Variants in RGPD8 observed in about 807,000 individuals in gnomAD.
The protein encoded by RGPD8 is RANBP2 like and GRIP domain containing 8.
In RGPD8, 15 loss-of-function variants were observed where a neutral mutation model predicts 89.1. That is an observed-to-expected ratio of 0.17 (90% CI 0.11 to 0.26). The LOEUF (loss-of-function observed/expected upper bound fraction) is 0.26, where lower values mean the gene tolerates loss of function less well. Among genes scored for constraint, RGPD8 ranks in the 10% least tolerant of loss-of-function variants. The pLI is 1.00. For synonymous variants in RGPD8, 62 were observed against 420.9 expected, an observed-to-expected ratio of 0.15 and a Z score of 10.44; for missense variants, 178 against 1,179.6, an observed-to-expected ratio of 0.15 and a Z score of 12.44.
chr2:112,416,004 C>A (rs1368304957), intron 6 of RGPD8, among the ~76,000 whole-genome samples: 1 of 151,910 alleles, frequency 6.6e-6, no homozygotes, highest in Non-Finnish European at 1.5e-5. Context: ...GCAGGAGAAT[C>A]GCCTGAACCC....
intron 7 of RGPD8, among the ~76,000 whole-genome samples, chr2:112,411,630 G>A (rs1418546691): frequency 4.4e-5 from 2 of 45,328 alleles, no homozygotes; most frequent in Admixed American, 2.7e-4. Flanking sequence ...AGTGCCTCGC[G>A]CCTGTAATCC....
intron 7 of RGPD8, among the ~76,000 whole-genome samples, chr2:112,410,731 T>G (rs569391059): frequency 2.0e-5 from 3 of 150,694 alleles, no homozygotes; most frequent in Admixed American, 2.0e-4. Context: ...TGAGCTGAGA[T>G]TGCACCACTG....
intron 22 of RGPD8, among the ~76,000 whole-genome samples, chr2:112,373,450 A>G (rs796363627): frequency 1.4e-3 from 220 of 152,038 alleles, no homozygotes; most frequent in South Asian, 6.5e-3. Flanking sequence ...CCCCTAAGCT[A>G]ATGTTTCCCA....
intron 1 of RGPD8, chr2:112,432,719 G>C: frequency 1.0e-6 from 1 of 985,282 alleles, no homozygotes; most frequent in South Asian, 4.7e-5. Context: ...GTACTACGGG[G>C]CCAGAAAGCC....
chr2:112,420,238 G>A (rs1185718222), intron 4 of RGPD8, among the ~76,000 whole-genome samples: 1 of 59,826 alleles, frequency 1.7e-5, no homozygotes, highest in Non-Finnish European at 3.2e-5. Flanking sequence ...CTACTCAGAA[G>A]TAAAGGAACC....
At chr2:112,433,313 GC>G (rs1558994964) in intron 1 of RGPD8, 68 bp downstream of exon 1, 1 of 1,401,612 alleles carries the variant, frequency 7.1e-7, no homozygotes, top group East Asian at 3.4e-5. Flanking sequence ...CGAGGCCGCC[GC>G]CGGGCCGGGT....
rs1329076025 is a variant in RGPD8, at chr2:112,413,666, T to A, written c.783-1040A>T. Among the ~76,000 whole-genome samples the A allele has an allele frequency of 2.9e-5, 4 of 137,260 alleles. 2 individuals are homozygous for A. The highest frequency in any genetic ancestry group is 6.2e-5 in the Non-Finnish European group (4 of 64,216). The allele number at this position is 137,260 out of a possible 152,430, so 90.0% of individuals were successfully genotyped here. A position where few individuals can be genotyped will look rare whatever the true frequency, so the allele number is the denominator to read the frequency against. On this transcript the variant is annotated intron_variant, in intron 6 of 22. Transcript: ENST00000302558. ...TACAATACCAAAAAAAATTTATATA[T>A]TACATACTCATTTTCTCATGTATGT...
chr2:112,417,157 A>G (rs201480213), intron 6 of RGPD8, 36 bp downstream of exon 6: 127 of 1,607,992 alleles, frequency 7.9e-5, no homozygotes, highest in Non-Finnish European at 1.0e-4. Context: ...AAAAACTGCA[A>G]TTTATACTAA....
chr2:112,414,253 A>G (rs2104813547), intron 6 of RGPD8, among the ~76,000 whole-genome samples: 1 of 130,480 alleles, frequency 7.7e-6, no homozygotes, highest in Admixed American at 7.4e-5. Context: ...AGGCGGGTGG[A>G]TCACCTGAGG....
rs547110292 is a variant in RGPD8, at chr2:112,428,703, T to C, written c.73-4396A>G. Among the ~76,000 whole-genome samples, 24 of 151,982 alleles carry C rather than the reference T, an allele frequency of 1.6e-4. No homozygotes were observed. The East Asian group carries it at 4.6e-3, about 29-fold the overall frequency. The stretch of plus-strand genomic sequence containing the variant: ...AAGGGTATTCCAGGTAGACAGACAA[T>C]CAATCAATCAATCAATGTTTTAAGC... On this transcript the variant is annotated intron_variant, in intron 1 of 22. Transcript: ENST00000302558.
At chr2:112,429,486 C>G (rs1464266165) in intron 1 of RGPD8, among the ~76,000 whole-genome samples, 1 of 95,738 alleles carries the variant, frequency 1.0e-5, no homozygotes, top group Admixed American at 9.3e-5. Flanking sequence ...TTAAAAATAA[C>G]AAAAGTATAT....
rs1297140188 is a variant in RGPD8, at chr2:112,429,315, C to T, written c.72+4067G>A. ...GGGTGCCTGTAGTCCCAGCTACAGGCTGGGGCAGGAGAATGGCGTGAACCC... is the reference window on the plus strand; with the variant it reads ...GGGTGCCTGTAGTCCCAGCTACAGGTTGGGGCAGGAGAATGGCGTGAACCC... On this transcript the variant is annotated intron_variant, in intron 1 of 22. Transcript: ENST00000302558. Among the ~76,000 whole-genome samples, 9 of 140,146 alleles carry T rather than the reference C, an allele frequency of 6.4e-5. No homozygotes were observed. In the South Asian group the frequency reaches 1.7e-3, roughly 26 times the overall value. 91.9% of individuals were successfully genotyped at this position (140,146 alleles called of 152,430 possible).
intron 17 of RGPD8, among the ~76,000 whole-genome samples, chr2:112,395,693 T>TTA (rs1678805672): frequency 7.4e-6 from 1 of 135,154 alleles, no homozygotes; most frequent in Non-Finnish European, 1.6e-5. Context: ...CTCTTAATTT[T>TTA]TACACCATCT....
intron 7 of RGPD8, among the ~76,000 whole-genome samples, chr2:112,408,385 AAT>A (rs1170533089): frequency 1.2e-5 from 1 of 86,456 alleles, no homozygotes; most frequent in Admixed American, 1.3e-4. Flanking sequence ...CATTTTTCAA[AAT>A]ATATGATTTA....
intron 20 of RGPD8, 101 bp from the exon 21 acceptor site, chr2:112,381,064 T>C: frequency 2.3e-6 from 1 of 430,262 alleles, no homozygotes; most frequent in South Asian, 2.4e-5. Flanking sequence ...CTATGTGATA[T>C]TTTATAGGTC....
At position 112,432,942 on chromosome 2, in the gene RGPD8, CATCGAGGCCGCCGCCGGGCCGG is replaced by C. The variant is rs1460292099; in HGVS notation, c.72+418_72+439del. Among the ~76,000 whole-genome samples the C allele has an allele frequency of 1.0e-3, 152 of 145,360 alleles. 6 individuals are homozygous for C. The highest frequency in any genetic ancestry group is 3.6e-3 in the Middle Eastern group (1 of 274). On this transcript the variant is annotated intron_variant, in intron 1 of 22. Transcript: ENST00000302558. ...CCCTCGGGAGCCATGACCCCTGACC[CATCGAGGCCGCCGCCGGGCCGG>C]GTCGAGGCCGCCGCCTCAACAGAGC... is the stretch of plus-strand genomic sequence containing the variant.
Position 112,433,423 on chromosome 2 carries a change from A to G in RGPD8, c.31T>C (p.Tyr11His), listed in dbSNP as rs748164280. The change falls in exon 1 of 23, where the codon TAC (tyrosine) becomes CAC (histidine). Residue 11 changes from tyrosine (Y) to histidine (H), a missense_variant. By Grantham distance (83) the Tyr-to-His change is moderately conservative. Coordinates refer to ENST00000302558, the MANE Select transcript of RGPD8 (RefSeq NM_001164463.1). ...GTGAGACCCAGCACCGAGGCGACGTACCGCTCCACATCGGCCTTGCTGCGC... is the reference window on the plus strand; with the variant it reads ...GTGAGACCCAGCACCGAGGCGACGTGCCGCTCCACATCGGCCTTGCTGCGC... Reference protein sequence around the residue: MRRSKADVERYVASVLGLTPS... With the variant: MRRSKADVERHVASVLGLTPS... 16 of 1,610,068 alleles carry G rather than the reference A, an allele frequency of 9.9e-6. No homozygotes were observed. The South Asian group carries it at 1.8e-4, about 18-fold the overall frequency.
chr2:112,431,592 G>A (rs999102263), intron 1 of RGPD8, among the ~76,000 whole-genome samples: 9 of 151,244 alleles, frequency 6.0e-5, no homozygotes, highest in Non-Finnish European at 1.0e-4. Context: ...GTTATGATAA[G>A]AGACACAATT....
intron 7 of RGPD8, among the ~76,000 whole-genome samples, chr2:112,408,657 C>G (rs1407051227): frequency 2.0e-5 from 3 of 152,022 alleles, no homozygotes; most frequent in Non-Finnish European, 4.4e-5. Flanking sequence ...ATCAAATCAT[C>G]TCAATTCACT....
Sources: allele counts gnomAD v4.1 joint callset (sites outside exome capture counted in the v4.1 genomes callset), GRCh38; gene constraint gnomAD v4.1.1; transcripts MANE v1.5; gene names NCBI Gene and HGNC (gene_info 2026-07-23, HGNC 2026-07-21).